Variants in RPRD1A observed in about 807,000 individuals in gnomAD.
RPRD1A encodes regulation of nuclear pre-mRNA domain containing 1A.
A neutral mutation model predicts 37.8 loss-of-function variants in RPRD1A; 9 were observed. The observed-to-expected ratio is 0.24, with a 90% CI of 0.14 to 0.42. The LOEUF (loss-of-function observed/expected upper bound fraction) is 0.42. Among genes scored for constraint, RPRD1A ranks in the 10% least tolerant of loss-of-function variants. The pLI is 1.00. For synonymous variants in RPRD1A, 138 were observed against 139.7 expected, an observed-to-expected ratio of 0.99 and a Z score of 0.08; for missense variants, 255 against 371.0, an observed-to-expected ratio of 0.69 and a Z score of 2.57.
At chr18:36,019,983 C>A (rs1487946830) in intron 6 of RPRD1A, among the ~76,000 whole-genome samples, 1 of 151,978 alleles carries the variant, frequency 6.6e-6, no homozygotes, top group Non-Finnish European at 1.5e-5. Flanking sequence ...GAGGTTGCAG[C>A]GAGCTGAGAT....
In RPRD1A at chr18:36,027,267, G is replaced by C; in HGVS notation, c.530C>G (p.Ala177Gly). ...VRALQDLENA[A>G]SGDAAVHQRI... is the part of the protein sequence containing the mutation. The stretch of plus-strand genomic sequence containing the variant: ...CTGATGAACTGCTGCATCACCTGAG[G>C]CTGCATTTTCCAGATCTTGTAATGC... Residue 177 changes from alanine to glycine, a missense_variant, in exon 5 of 7, where the codon GCC (alanine) becomes GGC (glycine). Ala to Gly is a moderately conservative substitution (Grantham distance 60, BLOSUM62 0). Transcript: ENST00000399022. 2 of 1,613,730 alleles carry C rather than the reference G, an allele frequency of 1.2e-6. No individual in the cohort carries two copies. Among genetic ancestry groups the C allele is most frequent in the Non-Finnish European group, 8.5e-7 (1 of 1,179,718 alleles).
intron 1 of RPRD1A, among the ~76,000 whole-genome samples, chr18:36,061,295 C>G (rs1056375757): frequency 6.6e-6 from 1 of 152,152 alleles, no homozygotes; most frequent in African/African-American, 2.4e-5. Context: ...CCTTTGTTTT[C>G]TTTACCATTG....
At chr18:36,025,846 T>A (rs777309637) in intron 6 of RPRD1A, 2 of 305,754 alleles carry the variant, frequency 6.5e-6, no homozygotes, top group African/African-American at 2.2e-5. Context: ...ATTATCAAAT[T>A]CATCTTTTAA....
intron 6 of RPRD1A, among the ~76,000 whole-genome samples, chr18:36,003,232 G>T (rs1909530896): frequency 6.6e-6 from 1 of 152,140 alleles, no homozygotes. Flanking sequence ...TCCCGCTGTG[G>T]TTTAACCAGC....
intron 1 of RPRD1A, among the ~76,000 whole-genome samples, chr18:36,063,466 C>G (rs1161508901): frequency 6.9e-6 from 1 of 144,328 alleles, no homozygotes; most frequent in Non-Finnish European, 1.5e-5. Context: ...CAGTACCCAG[C>G]TCATTCTTTT....
chr18:36,000,455 T>G (rs1198277568), intron 6 of RPRD1A, among the ~76,000 whole-genome samples: 2 of 152,244 alleles, frequency 1.3e-5, no homozygotes, highest in Non-Finnish European at 2.9e-5. Flanking sequence ...TTGCAGAGTT[T>G]CATTAATCTT....
At chr18:36,064,938 A>T (rs1176797140) in intron 1 of RPRD1A, among the ~76,000 whole-genome samples, 1 of 151,268 alleles carries the variant, frequency 6.6e-6, no homozygotes, top group Non-Finnish European at 1.5e-5. Flanking sequence ...TCCGGATGGA[A>T]GGAACAACTC....
At chr18:36,056,398 C>G (rs1380180114) in intron 1 of RPRD1A, among the ~76,000 whole-genome samples, 1 of 152,026 alleles carries the variant, frequency 6.6e-6, no homozygotes, top group Admixed American at 6.6e-5. Flanking sequence ...AGCGATTCTC[C>G]TGCCTCAGCC....
chr18:35,995,262 T>A (rs1164672925), intron 6 of RPRD1A, among the ~76,000 whole-genome samples: 1 of 85,892 alleles, frequency 1.2e-5, no homozygotes, highest in Non-Finnish European at 2.3e-5. Context: ...CTTTTTTTCG[T>A]TTTTTTTTTT....
intron 6 of RPRD1A, among the ~76,000 whole-genome samples, chr18:36,022,479 G>T (rs1019775789): frequency 1.3e-5 from 2 of 152,210 alleles, no homozygotes; most frequent in Admixed American, 6.5e-5. Context: ...CCCTCATTAG[G>T]AGCTAAAGTA....
intron 4 of RPRD1A, 58 bp from the exon 5 acceptor site, chr18:36,027,368 C>G: frequency 6.3e-7 from 1 of 1,580,078 alleles, no homozygotes; most frequent in South Asian, 1.1e-5. Context: ...GTGCAAAAGA[C>G]TTTAATTTCA....
chr18:36,044,839 C>G (rs1200135635), intron 1 of RPRD1A, among the ~76,000 whole-genome samples: 1 of 151,974 alleles, frequency 6.6e-6, no homozygotes, highest in Admixed American at 6.5e-5. Flanking sequence ...ATCCAAAGGA[C>G]ACAAGCAATC....
At chr18:36,047,024 T>G (rs1166757659) in intron 1 of RPRD1A, among the ~76,000 whole-genome samples, 2 of 151,998 alleles carry the variant, frequency 1.3e-5, no homozygotes, top group Non-Finnish European at 2.9e-5. Flanking sequence ...CCACCAAGGC[T>G]GGGCAACATA....
At chr18:36,019,131 A>G (rs1168880484) in intron 6 of RPRD1A, among the ~76,000 whole-genome samples, 1 of 136,426 alleles carries the variant, frequency 7.3e-6, no homozygotes, top group East Asian at 2.1e-4. Flanking sequence ...TTTTGGAGAC[A>G]GAGTCTCGCT....
intron 6 of RPRD1A, among the ~76,000 whole-genome samples, chr18:36,004,341 G>A (rs1909608035): frequency 6.6e-6 from 1 of 151,606 alleles, no homozygotes; most frequent in African/African-American, 2.4e-5. Flanking sequence ...TACAACCTCT[G>A]CCTCCTGCGC....
At chr18:36,027,858 T>A (rs1346974819) in intron 4 of RPRD1A, 3 of 152,358 alleles carry the variant, frequency 2.0e-5, no homozygotes, top group Non-Finnish European at 4.4e-5. Flanking sequence ...AAATATGATA[T>A]CTTCAAGTAT....
chr18:36,054,046 G>T (rs1913588718), intron 1 of RPRD1A, among the ~76,000 whole-genome samples: 1 of 152,108 alleles, frequency 6.6e-6, no homozygotes, highest in Non-Finnish European at 1.5e-5. Context: ...CAATGAGTTT[G>T]GGATGTTTAG....
chr18:36,011,265 C>A (rs1910163401), intron 6 of RPRD1A, among the ~76,000 whole-genome samples: 1 of 152,052 alleles, frequency 6.6e-6, no homozygotes, highest in Non-Finnish European at 1.5e-5. Context: ...TGTCACAGAG[C>A]TAGTAAGTGG....
chr18:36,027,079 A>C lies in RPRD1A; in HGVS notation c.614-4T>G. On this transcript the variant is annotated splice_region_variant and splice_polypyrimidine_tract_variant and intron_variant, in intron 5 of 6. Coordinates refer to ENST00000399022, the MANE Select transcript of RPRD1A (RefSeq NM_018170.5). ...AGCCTTTCTCCAGATTCTTTATCTA[A>C]GAAAAGCACGGGATAATAAAATATT... The C allele has an allele frequency of 6.2e-7, 1 of 1,613,748 alleles. No individual in the cohort carries two copies.
Sources: allele counts gnomAD v4.1 joint callset (sites outside exome capture counted in the v4.1 genomes callset), GRCh38; gene constraint gnomAD v4.1.1; transcripts MANE v1.5; gene names NCBI Gene and HGNC (gene_info 2026-07-23, HGNC 2026-07-21).